FBXL19: variants seen among roughly 807,000 people sequenced by gnomAD.
FBXL19 encodes the protein F-box and leucine rich repeat protein 19, also known as F-box/LRR-repeat protein 19.
Under a neutral mutation model 71.2 loss-of-function variants are expected in FBXL19, and 16 were observed. The ratio of observed to expected loss-of-function variants is 0.22; its 90% CI spans 0.15 to 0.34. The LOEUF (loss-of-function observed/expected upper bound fraction) is 0.34, where lower values mean the gene tolerates loss of function less well. FBXL19 is among the 10% of genes least tolerant of loss of function. The pLI is 1.00. For synonymous variants in FBXL19, 447 were observed against 409.4 expected (o/e 1.09, Z -1.11); for missense variants, 658 against 968.2 (o/e 0.68, Z 4.25).
chr16:30,926,712 CTACCT>C (rs1367377928), intron 2 of FBXL19, among the ~76,000 whole-genome samples: 1 of 152,124 alleles, frequency 6.6e-6, no homozygotes, highest in African/African-American at 2.4e-5. Context: ...CCTTCTCCCC[CTACCT>C]GCATCTTCCT....
chr16:30,939,515 G>A lies in FBXL19; in HGVS notation c.1302-2601G>A, dbSNP rs556693197. Among the ~76,000 whole-genome samples the A allele has an allele frequency of 1.4e-3, 214 of 148,948 alleles. 1 individual carries two copies. The highest frequency in any genetic ancestry group is 5.0e-3 in the African/African-American group (203 of 40,392). ...TGCAAGCTCCACCTCCCAGATTCAC[G>A]CCATTCTCCTGCCTCAGCCTCCCGA... On this transcript the variant is annotated intron_variant, in intron 7 of 10. Transcript: ENST00000338343.
intron 2 of FBXL19, among the ~76,000 whole-genome samples, chr16:30,926,558 C>T (rs549997224): frequency 6.6e-5 from 10 of 152,182 alleles, no homozygotes; most frequent in East Asian, 3.9e-4. Flanking sequence ...CCCCAGCAGC[C>T]GCGAGGAGCC....
chr16:30,928,685 C>T, intron 6 of FBXL19, 57 bp downstream of exon 6: 2 of 1,408,634 alleles, frequency 1.4e-6, no homozygotes, highest in Non-Finnish European at 1.9e-6. Flanking sequence ...ACCCTTCACC[C>T]TGGAGCCCAA....
At chr16:30,932,846 T>G (rs1273730543) in intron 7 of FBXL19, among the ~76,000 whole-genome samples, 2 of 147,302 alleles carry the variant, frequency 1.4e-5, no homozygotes, top group Non-Finnish European at 3.0e-5. Flanking sequence ...TAACTTTTTT[T>G]TTTTTTTTTT....
In FBXL19 at chr16:30,942,909, C is replaced by T. The variant is rs1244756496; in HGVS notation, c.1627+373C>T. 1.3e-5 allele frequency among the ~76,000 whole-genome samples: 2 copies of T among 152,186 alleles called. No homozygotes were observed. The highest frequency in any genetic ancestry group is 2.9e-5 in the Non-Finnish European group (2 of 68,030). ...TCCTCCAAGAAGCTCTCCCTGATCC[C>T]ACCCCACATTGAGCTCAGAGTCCCT... On this transcript the variant is annotated intron_variant, in intron 9 of 10. Transcript: ENST00000338343. The surrounding 1 kb of genome is among the most constrained non-coding windows in gnomAD (Gnocchi z 5.7).
At chr16:30,941,985 G>C (rs2055807073) in intron 7 of FBXL19, 131 bp from the exon 8 acceptor site, 9 of 1,020,612 alleles carry the variant, frequency 8.8e-6, no homozygotes, top group Non-Finnish European at 1.2e-5. Flanking sequence ...GAGGTCAGGT[G>C]CTTCTTGCTA....
chr16:30,926,031 T>A (rs924027099), intron 2 of FBXL19, 100 bp downstream of exon 2: 7 of 1,343,460 alleles, frequency 5.2e-6, no homozygotes, highest in Non-Finnish European at 6.7e-6. Flanking sequence ...AGTGGCTGTT[T>A]GTTCACTCGT....
chr16:30,925,439 G>A lies in FBXL19; in HGVS notation c.-24-292G>A, dbSNP rs1255316348. On this transcript the variant is annotated intron_variant, in intron 1 of 10. Coordinates refer to ENST00000338343, the MANE Select transcript of FBXL19 (RefSeq NM_001382779.1). This position sits in a 1 kb window ranked among gnomAD's most constrained non-coding sequence, Gnocchi z 5.0. ...TCCAAGGAGCTCCGGTGTGGGGATG[G>A]CAGAGGAGAGGGCCTCGGTGTCCCC... 6.6e-6 allele frequency among the ~76,000 whole-genome samples: 1 copy of A among 152,140 alleles called. No homozygotes were observed. The highest frequency in any genetic ancestry group is 1.5e-5 in the Non-Finnish European group (1 of 67,990).
In FBXL19 at chr16:30,930,360, G is replaced by T; in HGVS notation, c.1077G>T (p.Gly359=). The T allele has an allele frequency of 6.4e-7, 1 of 1,569,620 alleles. No homozygotes were observed. The highest frequency in any genetic ancestry group is 2.3e-5 in the East Asian group (1 of 43,320). ...GGGCTGTGCGCCCTGGCAGTGGGGG[G>T]CCCCTACTCAGCTGGCCCCTGGGCC... ...GRRAVRPGSG[G]PLLSWPLGPA... is the part of the protein sequence containing the mutation. The change falls in exon 7 of 11, where the codon GGG becomes GGT. Residue 359 remains glycine (G), a synonymous_variant. Coordinates refer to ENST00000338343, the MANE Select transcript of FBXL19 (RefSeq NM_001382779.1). The surrounding 1 kb of genome is among the most constrained non-coding windows in gnomAD (Gnocchi z 8.5).
rs2055861734 is a variant in FBXL19, at chr16:30,946,646, A to G, written c.1628-84A>G. 1 of 1,324,866 alleles carries G rather than the reference A, an allele frequency of 7.5e-7. No individual in the cohort carries two copies. Among genetic ancestry groups the G allele is most frequent in the South Asian group, 1.4e-5 (1 of 74,044 alleles). The allele number at this position is 1,324,866 out of a possible 1,614,324, so 82.1% of individuals were successfully genotyped here. A position where few individuals can be genotyped will look rare whatever the true frequency, so the allele number is the denominator to read the frequency against. The stretch of plus-strand genomic sequence containing the variant: ...CACCAGGTCACTCACTTATGTGGGA[A>G]GCAGGTGGAGGGCAGATGGTCTGGA... On this transcript the variant is annotated intron_variant, in intron 9 of 10. Transcript: ENST00000338343. The surrounding 1 kb of genome is among the most constrained non-coding windows in gnomAD (Gnocchi z 6.7).
intron 7 of FBXL19, among the ~76,000 whole-genome samples, chr16:30,933,827 G>A (rs1002569231): frequency 2.7e-5 from 4 of 146,800 alleles, no homozygotes; most frequent in Non-Finnish European, 6.0e-5. Flanking sequence ...ATCTCGGCTC[G>A]CCACAACCTC....
chr16:30,922,962 C>T (rs2055539554), upstream of FBXL19: 2 of 432,614 alleles, frequency 4.6e-6, no homozygotes, highest in South Asian at 1.6e-5. Flanking sequence ...CTGGTTCCGC[C>T]ATTCTTAAGG....
chr16:30,942,116 G>T lies in FBXL19; in HGVS notation c.1302G>T (p.Trp434Cys). 1 of 1,576,492 alleles carries T rather than the reference G, an allele frequency of 6.3e-7. No homozygotes were observed. Among genetic ancestry groups the T allele is most frequent in the Non-Finnish European group, 8.6e-7 (1 of 1,156,588 alleles). ...TCTGTCTCCCCCCTATGGCCGCCAG[G>T]TGCTATGACAAGCGTCTGTGGCCTC... ...CMRVCRTWSR[W>C]CYDKRLWPRM... Residue 434 changes from tryptophan to cysteine, a missense_variant and splice_region_variant, in exon 8 of 11, where the codon TGG becomes TGT. By Grantham distance (215) the Trp-to-Cys change is radical. Around this residue, in one of 8 missense-constraint regions of FBXL19, gnomAD observed 38 missense variants for 92.3 expected, o/e 0.41. Coordinates refer to ENST00000338343, the MANE Select transcript of FBXL19 (RefSeq NM_001382779.1). The surrounding 1 kb of genome is among the most constrained non-coding windows in gnomAD (Gnocchi z 5.7).
upstream of FBXL19, chr16:30,923,368 T>C (rs1322294866): frequency 5.2e-6 from 2 of 383,570 alleles, no homozygotes; most frequent in East Asian, 7.3e-5. Flanking sequence ...GTTCCCGCTG[T>C]CCCCAGCGTC....
intron 7 of FBXL19, among the ~76,000 whole-genome samples, chr16:30,940,175 T>G (rs2055785659): frequency 6.6e-6 from 1 of 151,950 alleles, no homozygotes; most frequent in Admixed American, 6.6e-5. Flanking sequence ...GGAGAATCGC[T>G]TGAACTTGGG....
chr16:30,937,420 C>T lies in FBXL19; in HGVS notation c.1302-4696C>T, dbSNP rs569540245. ...CCTTGAGGTGACTCTTACCATGCCC[C>T]TTGTCACCTCAGTTACTGCGGACTG... On this transcript the variant is annotated intron_variant, in intron 7 of 10. Coordinates refer to ENST00000338343, the MANE Select transcript of FBXL19 (RefSeq NM_001382779.1). Among the ~76,000 whole-genome samples, 66 of 152,210 alleles carry T rather than the reference C, an allele frequency of 4.3e-4. No homozygotes were observed. In the South Asian group the frequency reaches 5.8e-3, roughly 13 times the overall value.
intron 7 of FBXL19, among the ~76,000 whole-genome samples, chr16:30,934,885 C>A (rs1387416422): frequency 2.6e-5 from 4 of 152,128 alleles, no homozygotes; most frequent in African/African-American, 9.7e-5. Flanking sequence ...TTTGGGAGTT[C>A]TCAGCCTGTA....
rs543024383 is a variant in FBXL19 at position 30,930,015 on chromosome 16, G to C, written c.790-58G>C. Reference sequence around the variant, plus strand: ...CATCCCCTGGTGACTCCTCGGGGTAGGGGGGTGGGAAAATGTATCCCAGGC... The same window carrying C: ...CATCCCCTGGTGACTCCTCGGGGTACGGGGGTGGGAAAATGTATCCCAGGC... On this transcript the variant is annotated intron_variant, in intron 6 of 10. Coordinates refer to ENST00000338343, the MANE Select transcript of FBXL19 (RefSeq NM_001382779.1). The surrounding 1 kb of genome is among the most constrained non-coding windows in gnomAD (Gnocchi z 8.5). The C allele has an allele frequency of 1.9e-6, 3 of 1,559,418 alleles. No homozygotes were observed. In the African/African-American group the frequency reaches 4.1e-5, roughly 21 times the overall value.
At position 30,932,936 on chromosome 16, in the gene FBXL19, G is replaced by A. The variant is rs145879283; in HGVS notation, c.1301+2352G>A. Among the ~76,000 whole-genome samples the A allele has an allele frequency of 3.0e-3, 444 of 146,524 alleles. 2 individuals are homozygous for A. The highest frequency in any genetic ancestry group is 0.01 in the African/African-American group (410 of 39,272). The stretch of plus-strand genomic sequence containing the variant: ...GCTCACTGCAACCTCCACCTTCCAC[G>A]TTCAAGTGATTCTCCTGTCTCAGCC... On this transcript the variant is annotated intron_variant, in intron 7 of 10. Transcript: ENST00000338343.
Sources: allele counts gnomAD v4.1 joint callset (sites outside exome capture counted in the v4.1 genomes callset), GRCh38; gene constraint gnomAD v4.1.1; regional missense constraint gnomAD v4.1.1; non-coding constraint Gnocchi (gnomAD v3.1); transcripts MANE v1.5; gene names NCBI Gene and HGNC (gene_info 2026-07-23, HGNC 2026-07-21).